LHFPL3: variants seen among roughly 807,000 people sequenced by gnomAD.
LHFPL3 encodes the protein LHFPL tetraspan subfamily member 3.
A neutral mutation model predicts 19.3 loss-of-function variants in LHFPL3; 5 were observed. The observed-to-expected ratio is 0.26, with a 90% confidence interval of 0.14 to 0.54. LHFPL3 has a LOEUF of 0.54. LHFPL3 is among the 20% of genes least tolerant of loss of function. The pLI is 0.94. For missense variants in LHFPL3, 249 were observed against 307.4 expected, an observed-to-expected ratio of 0.81 and a Z score of 1.42; for synonymous variants, 133 against 126.2, an observed-to-expected ratio of 1.05 and a Z score of -0.36.
chr7:104,406,290 C>G (rs1050516171), intron 1 of LHFPL3, among the ~76,000 whole-genome samples: 1 of 152,132 alleles, frequency 6.6e-6, no homozygotes, highest in Non-Finnish European at 1.5e-5. Context: ...AGCAACACAT[C>G]TTTGTAGGCA....
chr7:104,603,060 C>CTT (rs1791001276), intron 1 of LHFPL3, among the ~76,000 whole-genome samples: 2 of 138,726 alleles, frequency 1.4e-5, no homozygotes, highest in East Asian at 2.5e-4. Flanking sequence ...TTTTTTCTTT[C>CTT]TTTCTTTTTC....
chr7:104,654,773 C>A (rs1792093069), intron 1 of LHFPL3, among the ~76,000 whole-genome samples: 1 of 152,036 alleles, frequency 6.6e-6, no homozygotes, highest in Admixed American at 6.5e-5. Context: ...TGATTTTTTT[C>A]TGTCTTTTTC....
chr7:104,886,577 C>T (rs1037461912), intron 2 of LHFPL3, among the ~76,000 whole-genome samples: 2 of 152,172 alleles, frequency 1.3e-5, no homozygotes, highest in Admixed American at 1.3e-4. Context: ...GTTGGCCAGG[C>T]TGGTCTCGAA....
intron 2 of LHFPL3, among the ~76,000 whole-genome samples, chr7:104,840,398 T>G (rs1258995612): frequency 7.4e-6 from 1 of 134,726 alleles, no homozygotes; most frequent in East Asian, 2.5e-4. Flanking sequence ...TATTACACCC[T>G]CAGGTTCAAG....
intron 1 of LHFPL3, among the ~76,000 whole-genome samples, chr7:104,491,369 C>A (rs994898947): frequency 6.6e-6 from 1 of 151,952 alleles, no homozygotes; most frequent in Non-Finnish European, 1.5e-5. Context: ...CTGGCAGATT[C>A]CAGCTGGAAT....
At chr7:104,833,070 A>C (rs200410724) in intron 2 of LHFPL3, among the ~76,000 whole-genome samples, 5,791 of 18,790 alleles carry the variant, frequency 0.31, 2,099 homozygotes, top group East Asian at 0.7. Flanking sequence ...TATAATATAT[A>C]TATTATATAT....
At chr7:104,882,172 T>G (rs1255630733) in intron 2 of LHFPL3, among the ~76,000 whole-genome samples, 1 of 152,216 alleles carries the variant, frequency 6.6e-6, no homozygotes, top group Non-Finnish European at 1.5e-5. Flanking sequence ...TGCTACCATA[T>G]GGATGAACCT....
intron 1 of LHFPL3, among the ~76,000 whole-genome samples, chr7:104,545,266 G>T (rs902085018): frequency 3.3e-5 from 5 of 152,110 alleles, no homozygotes; most frequent in African/African-American, 1.2e-4. Flanking sequence ...TTATCAAATA[G>T]ACCTCACCAT....
intron 1 of LHFPL3, among the ~76,000 whole-genome samples, chr7:104,346,971 G>A (rs571972479): frequency 6.7e-6 from 1 of 149,976 alleles, no homozygotes; most frequent in South Asian, 2.2e-4. Context: ...GGGTTTGTGT[G>A]GTGGATACTT....
intron 1 of LHFPL3, among the ~76,000 whole-genome samples, chr7:104,679,109 C>G (rs1276388186): frequency 6.6e-6 from 1 of 152,226 alleles, no homozygotes; most frequent in African/African-American, 2.4e-5. Context: ...AGTTCTAGCT[C>G]AAGGTCTCTC....
intron 1 of LHFPL3, among the ~76,000 whole-genome samples, chr7:104,735,813 C>G (rs1168338337): frequency 6.6e-6 from 1 of 152,234 alleles, no homozygotes; most frequent in African/African-American, 2.4e-5. Context: ...GAGCTATAGA[C>G]TGGAGCTGTT....
At chr7:104,574,621 A>C (rs1300856282) in intron 1 of LHFPL3, among the ~76,000 whole-genome samples, 1 of 152,230 alleles carries the variant, frequency 6.6e-6, no homozygotes, top group African/African-American at 2.4e-5. Context: ...TGAAAATGTG[A>C]GAATTGCAAA....
intron 1 of LHFPL3, among the ~76,000 whole-genome samples, chr7:104,434,820 A>G (rs1792071749): frequency 6.6e-6 from 1 of 152,324 alleles, no homozygotes; most frequent in Admixed American, 6.5e-5. Flanking sequence ...GAAAGATCAC[A>G]TTTCAATTGC....
intron 2 of LHFPL3, among the ~76,000 whole-genome samples, chr7:104,752,386 T>G (rs1461124375): frequency 6.6e-6 from 1 of 150,674 alleles, no homozygotes; most frequent in Non-Finnish European, 1.5e-5. Context: ...CGCTATCTTC[T>G]TCTGTTTGAA....
chr7:104,527,417 A>T (rs1310640197), intron 1 of LHFPL3, among the ~76,000 whole-genome samples: 1 of 152,116 alleles, frequency 6.6e-6, no homozygotes, highest in Non-Finnish European at 1.5e-5. Context: ...ACGTGGGAGC[A>T]GTGGAGGTGG....
chr7:104,700,163 C>T (rs962394114), intron 1 of LHFPL3, among the ~76,000 whole-genome samples: 1 of 152,170 alleles, frequency 6.6e-6, no homozygotes, highest in African/African-American at 2.4e-5. Flanking sequence ...TGTATGGAAA[C>T]AAGAGGAGCT....
chr7:104,621,737 T>G (rs1321896667), intron 1 of LHFPL3, among the ~76,000 whole-genome samples: 2 of 152,212 alleles, frequency 1.3e-5, no homozygotes, highest in South Asian at 2.1e-4. Flanking sequence ...TGCTCCAACT[T>G]CAGTCCTTTC....
At chr7:104,441,549 A>G (rs937594159) in intron 1 of LHFPL3, among the ~76,000 whole-genome samples, 1 of 144,842 alleles carries the variant, frequency 6.9e-6, no homozygotes, top group Non-Finnish European at 1.5e-5. Context: ...GGTAGAGACA[A>G]TATCTCACTT....
intron 1 of LHFPL3, among the ~76,000 whole-genome samples, chr7:104,624,467 A>G (rs761697684): frequency 6.6e-6 from 1 of 152,146 alleles, no homozygotes; most frequent in Non-Finnish European, 1.5e-5. Flanking sequence ...CCCAAGCTCT[A>G]CAGAGACTCA....
Sources: allele counts gnomAD v4.1 joint callset (sites outside exome capture counted in the v4.1 genomes callset), GRCh38; gene constraint gnomAD v4.1.1; transcripts MANE v1.5; gene names NCBI Gene and HGNC (gene_info 2026-07-23, HGNC 2026-07-21).